ZFPM2: variants seen among roughly 807,000 people sequenced by gnomAD.
ZFPM2 encodes zinc finger protein ZFPM2.
In ZFPM2, 20 loss-of-function variants were observed where a neutral mutation model predicts 98.6. That is an observed-to-expected ratio of 0.20 (90% CI 0.14 to 0.29). ZFPM2 has a LOEUF of 0.29. ZFPM2 is among the 10% of genes least tolerant of loss of function. The probability of loss-of-function intolerance (pLI) is 1.00; values close to 1 mark genes in which losing one functional copy is unlikely to be tolerated. For synonymous variants in ZFPM2, 518 were observed against 502.7 expected (o/e 1.03, Z -0.41); for missense variants, 1,310 against 1,388.6 (o/e 0.94, Z 0.90).
chr8:105,403,233 A>G (rs956964962), intron 1 of ZFPM2, among the ~76,000 whole-genome samples: 2 of 152,008 alleles, frequency 1.3e-5, no homozygotes, highest in African/African-American at 4.8e-5. Flanking sequence ...CTAATTCACC[A>G]TTTTCTATTT....
chr8:105,420,715 A>C (rs2130088037), intron 2 of ZFPM2, among the ~76,000 whole-genome samples: 1 of 152,236 alleles, frequency 6.6e-6, no homozygotes, highest in East Asian at 1.9e-4. Context: ...CTGTCTGGAG[A>C]TGGATAATTT....
chr8:105,426,978 A>G (rs1022017517), intron 2 of ZFPM2, among the ~76,000 whole-genome samples: 26 of 152,116 alleles, frequency 1.7e-4, no homozygotes, highest in African/African-American at 5.3e-4. Context: ...ATAGTGTCCT[A>G]TAAGTGCTTT....
chr8:105,346,384 CA>C lies in ZFPM2; in HGVS notation c.40+27418del, dbSNP rs1188986869. Among the ~76,000 whole-genome samples the C allele has an allele frequency of 4.2e-3, 543 of 129,652 alleles. 4 individuals are homozygous for C. Among genetic ancestry groups the C allele is most frequent in the African/African-American group, 0.011 (380 of 35,198 alleles). The allele number at this position is 129,652 out of a possible 152,430, so 85.1% of individuals were successfully genotyped here. A position where few individuals can be genotyped will look rare whatever the true frequency, so the allele number is the denominator to read the frequency against. On this transcript the variant is annotated intron_variant, in intron 1 of 7. Coordinates refer to ENST00000407775, the MANE Select transcript of ZFPM2 (RefSeq NM_012082.4). ...GGGCAATAAGAGCGAAACTCCATCT[CA>C]AAAAAAAAAAAAAATAAATAAATAA...
At chr8:105,420,043 C>T (rs975934346) in intron 2 of ZFPM2, among the ~76,000 whole-genome samples, 5 of 152,106 alleles carry the variant, frequency 3.3e-5, no homozygotes, top group East Asian at 1.9e-4. Context: ...TTTATCTCCT[C>T]CTGCACCAAT....
chr8:105,511,305 C>T (rs1344089311), intron 3 of ZFPM2, among the ~76,000 whole-genome samples: 1 of 152,246 alleles, frequency 6.6e-6, no homozygotes, highest in Non-Finnish European at 1.5e-5. Flanking sequence ...TCCAATCAGC[C>T]TGTCCACACT....
At chr8:105,721,877 C>A (rs150583985) in intron 5 of ZFPM2, among the ~76,000 whole-genome samples, 2,080 of 151,976 alleles carry the variant, frequency 0.014, 28 homozygotes, top group Admixed American at 0.023. Flanking sequence ...TAGCCACTTG[C>A]CACTTGTGGC....
rs1211360022 is a variant in ZFPM2, at chr8:105,746,654, AATTTT to A, written c.533-42063_533-42059del. ...TGCGTTTTCTTGTTCTGTTTTTAAA[AATTTT>A]TTTTTTTTTTTTTTTTTTGGTGAAT... On this transcript the variant is annotated intron_variant, in intron 5 of 7. Coordinates refer to ENST00000407775, the MANE Select transcript of ZFPM2 (RefSeq NM_012082.4). Among the ~76,000 whole-genome samples, 18 of 112,008 alleles carry A rather than the reference AATTTT, an allele frequency of 1.6e-4. 1 individual carries two copies. The highest frequency in any genetic ancestry group is 2.9e-4 in the African/African-American group (9 of 31,246). 73.5% of individuals were successfully genotyped at this position (112,008 alleles called of 152,430 possible).
At chr8:105,458,859 T>A (rs1346517509) in intron 3 of ZFPM2, among the ~76,000 whole-genome samples, 1 of 152,136 alleles carries the variant, frequency 6.6e-6, no homozygotes, top group Non-Finnish European at 1.5e-5. Flanking sequence ...GAATATTTTT[T>A]TTTTTACTCT....
At chr8:105,547,973 A>T (rs182090889) in intron 3 of ZFPM2, among the ~76,000 whole-genome samples, 1 of 151,864 alleles carries the variant, frequency 6.6e-6, no homozygotes, top group Non-Finnish European at 1.5e-5. Flanking sequence ...GATTTTAACC[A>T]TGTGAAGTTT....
chr8:105,617,534 G>A (rs1428282249), intron 4 of ZFPM2, among the ~76,000 whole-genome samples: 1 of 152,154 alleles, frequency 6.6e-6, no homozygotes, highest in Non-Finnish European at 1.5e-5. Flanking sequence ...TCTGAGGAGT[G>A]GGATAGACCT....
intron 1 of ZFPM2, among the ~76,000 whole-genome samples, chr8:105,414,633 C>T (rs1337784292): frequency 6.7e-6 from 1 of 149,686 alleles, no homozygotes; most frequent in African/African-American, 2.5e-5. Context: ...TTTTCTTTGT[C>T]ACCTTCTAGC....
chr8:105,421,764 G>A (rs1478590766), intron 2 of ZFPM2, among the ~76,000 whole-genome samples: 1 of 152,148 alleles, frequency 6.6e-6, no homozygotes, highest in African/African-American at 2.4e-5. Flanking sequence ...AATTAAAAGA[G>A]TAGAAGTTGC....
chr8:105,350,345 T>A lies in ZFPM2; in HGVS notation c.40+31364T>A, dbSNP rs117994982. On this transcript the variant is annotated intron_variant, in intron 1 of 7. Coordinates refer to ENST00000407775, the MANE Select transcript of ZFPM2 (RefSeq NM_012082.4). The stretch of plus-strand genomic sequence containing the variant: ...TTTGAAAAGGAAAGGAACATGGCAA[T>A]CTACTCCACATTGAGCACCTGTCCT... Among the ~76,000 whole-genome samples, 364 of 152,256 alleles carry A rather than the reference T, an allele frequency of 2.4e-3. 1 individual carries two copies. Among genetic ancestry groups the A allele is most frequent in the Non-Finnish European group, 3.9e-3 (267 of 68,004 alleles).
chr8:105,383,308 C>G (rs1263604624), intron 1 of ZFPM2, among the ~76,000 whole-genome samples: 1 of 152,082 alleles, frequency 6.6e-6, no homozygotes, highest in Non-Finnish European at 1.5e-5. Flanking sequence ...TACAGATTGA[C>G]TGGATGCTTG....
intron 3 of ZFPM2, among the ~76,000 whole-genome samples, chr8:105,445,348 A>G (rs913795169): frequency 3.3e-5 from 5 of 152,182 alleles, no homozygotes; most frequent in Non-Finnish European, 5.9e-5. Context: ...TGTATTCTGT[A>G]TACTATAACA....
intron 2 of ZFPM2, among the ~76,000 whole-genome samples, chr8:105,423,172 C>T (rs1055283422): frequency 1.3e-5 from 2 of 151,984 alleles, no homozygotes; most frequent in Admixed American, 6.5e-5. Flanking sequence ...CAGAAATGTC[C>T]GAGATTGTTG....
intron 4 of ZFPM2, among the ~76,000 whole-genome samples, chr8:105,565,780 A>G (rs1335429287): frequency 1.3e-5 from 2 of 152,240 alleles, no homozygotes; most frequent in African/African-American, 4.8e-5. Flanking sequence ...AAATTAAACA[A>G]GTAACACTAT....
At position 105,617,417 on chromosome 8, in the gene ZFPM2, T is replaced by C. The variant is rs554492576; in HGVS notation, c.421-16829T>C. On this transcript the variant is annotated intron_variant, in intron 4 of 7. Transcript: ENST00000407775. ...CAACACCAATCTAATCTGAGGAACA[T>C]ACTAATTAAACCCAGCTTGAAGTAT... Among the ~76,000 whole-genome samples, 3 of 152,262 alleles carry C rather than the reference T, an allele frequency of 2.0e-5. No homozygotes were observed. In the South Asian group the frequency reaches 6.2e-4, roughly 32 times the overall value.
intron 3 of ZFPM2, among the ~76,000 whole-genome samples, chr8:105,548,283 C>G (rs1814759191): frequency 6.6e-6 from 1 of 151,556 alleles, no homozygotes; most frequent in Non-Finnish European, 1.5e-5. Flanking sequence ...GTGAAATTAT[C>G]AAAAAAGAGC....
Sources: gnomAD v4.1 joint callset for allele counts (sites outside exome capture counted in the v4.1 genomes callset) on GRCh38, gnomAD v4.1.1 for gene constraint, MANE v1.5 for transcripts, NCBI Gene and HGNC (gene_info 2026-07-23, HGNC 2026-07-21) for gene names.